Variants in TENM3 observed in about 807,000 individuals in gnomAD.
TENM3 encodes the protein teneurin transmembrane protein 3.
TENM3 carries 63 observed loss-of-function variants against 255.1 expected under a neutral mutation model. The observed-to-expected ratio is 0.25, with a 90% CI of 0.20 to 0.30. The LOEUF (loss-of-function observed/expected upper bound fraction) is 0.30, where lower values mean the gene tolerates loss of function less well. TENM3 is among the 10% of genes least tolerant of loss of function. TENM3 has a pLI of 1.00. For synonymous variants in TENM3, 1,306 were observed against 1,322.3 expected (o/e 0.99, Z 0.27); for missense variants, 2,929 against 3,461.1 (o/e 0.85, Z 3.86).
chr4:181,953,908 T>A, the TENM3 span, among the ~76,000 whole-genome samples: 1 of 152,296 alleles, frequency 6.6e-6, no homozygotes, highest in African/African-American at 2.4e-5. Flanking sequence ...TCCATCACCC[T>A]GAACGTTTTC....
intron 12 of TENM3, among the ~76,000 whole-genome samples, chr4:182,708,241 T>A (rs1758443990): frequency 6.6e-6 from 1 of 152,112 alleles, no homozygotes; most frequent in African/African-American, 2.4e-5. Flanking sequence ...AAGCCTTTAT[T>A]ATTACCTACA....
At chr4:182,508,545 A>G (rs1737062652) in intron 3 of TENM3, among the ~76,000 whole-genome samples, 1 of 152,226 alleles carries the variant, frequency 6.6e-6, no homozygotes. Flanking sequence ...AATCAGAATG[A>G]TATACTCTTA....
chr4:182,541,885 C>G (rs955579073), intron 3 of TENM3, among the ~76,000 whole-genome samples: 4 of 151,762 alleles, frequency 2.6e-5, no homozygotes, highest in African/African-American at 9.7e-5. Flanking sequence ...ATAGCAAGAC[C>G]CCGTCTCTAC....
the TENM3 span, among the ~76,000 whole-genome samples, chr4:181,598,618 T>C: frequency 2.6e-5 from 4 of 152,062 alleles, no homozygotes; most frequent in East Asian, 7.7e-4. Flanking sequence ...ATGTTGCCTG[T>C]GTAACCATTA....
chr4:182,403,502 C>G (rs1260461200), intron 3 of TENM3, among the ~76,000 whole-genome samples: 1 of 152,180 alleles, frequency 6.6e-6, no homozygotes. Context: ...CAGATAGGGA[C>G]ACACTATCTG....
chr4:182,285,314 C>T (rs1007609002), intron 1 of TENM3, among the ~76,000 whole-genome samples: 1 of 152,042 alleles, frequency 6.6e-6, no homozygotes, highest in Non-Finnish European at 1.5e-5. Context: ...AAGGAATTAA[C>T]AGTCATATCA....
chr4:181,656,127 CG>C, the TENM3 span, among the ~76,000 whole-genome samples: 1 of 152,050 alleles, frequency 6.6e-6, no homozygotes, highest in African/African-American at 2.4e-5. Flanking sequence ...ATTGTAACGG[CG>C]AGCCTTGGGG....
At chr4:182,363,556 A>G (rs1766188815) in intron 3 of TENM3, among the ~76,000 whole-genome samples, 1 of 152,084 alleles carries the variant, frequency 6.6e-6, no homozygotes, top group South Asian at 2.1e-4. Context: ...ATGCATGTTT[A>G]TAAACATAAA....
chr4:182,468,248 C>A (rs1034683770), intron 3 of TENM3, among the ~76,000 whole-genome samples: 1 of 152,082 alleles, frequency 6.6e-6, no homozygotes. Flanking sequence ...ATTAAAAAGG[C>A]ATTACATAAC....
chr4:181,856,563 G>A, the TENM3 span, among the ~76,000 whole-genome samples: 3,047 of 152,200 alleles, frequency 0.02, 106 homozygotes, highest in African/African-American at 0.069. Flanking sequence ...ATCAATGCCC[G>A]TGCCTTATGC....
At chr4:182,160,088 C>T (rs918456724) in intron 1 of TENM3, among the ~76,000 whole-genome samples, 44 of 149,774 alleles carry the variant, frequency 2.9e-4, no homozygotes, top group African/African-American at 9.0e-4. Context: ...CTGCAAGCTC[C>T]GCTTCCCGGG....
intron 3 of TENM3, among the ~76,000 whole-genome samples, chr4:182,460,064 G>T (rs1014677107): frequency 6.6e-6 from 1 of 151,956 alleles, no homozygotes; most frequent in Non-Finnish European, 1.5e-5. Context: ...AAATTCTAAC[G>T]AGGTACCTTG....
chr4:182,287,752 T>C (rs557011709), intron 1 of TENM3, among the ~76,000 whole-genome samples: 1 of 152,022 alleles, frequency 6.6e-6, no homozygotes, highest in Admixed American at 6.5e-5. Flanking sequence ...TAGCTGGGAC[T>C]ACAGGCGCCC....
chr4:181,572,420 A>T, the TENM3 span, among the ~76,000 whole-genome samples: 2 of 152,204 alleles, frequency 1.3e-5, no homozygotes, highest in African/African-American at 4.8e-5. Context: ...ATATTCAGTT[A>T]GAAAAAGAAA....
intron 12 of TENM3, among the ~76,000 whole-genome samples, chr4:182,713,059 GT>G (rs973393850): frequency 1.3e-5 from 2 of 151,676 alleles, no homozygotes; most frequent in Non-Finnish European, 2.9e-5. Context: ...GGCAAAAATT[GT>G]TTTTTTTAAA....
chr4:181,553,317 TGC>T, the TENM3 span, among the ~76,000 whole-genome samples: 311 of 105,224 alleles, frequency 3.0e-3, 2 homozygotes, highest in African/African-American at 0.011. Context: ...TGTATGTGTA[TGC>T]GTATATATAT....
the TENM3 span, among the ~76,000 whole-genome samples, chr4:181,757,320 T>C: frequency 6.6e-6 from 1 of 152,116 alleles, no homozygotes. Flanking sequence ...TCCCACTGAG[T>C]TTCCATAGGT....
the TENM3 span, among the ~76,000 whole-genome samples, chr4:182,021,593 G>C: frequency 5.9e-5 from 9 of 152,212 alleles, no homozygotes; most frequent in Middle Eastern, 3.4e-3. Context: ...AATTTATAAA[G>C]ATATATTTGT....
the TENM3 span, among the ~76,000 whole-genome samples, chr4:181,761,219 C>G: frequency 6.6e-6 from 1 of 152,024 alleles, no homozygotes; most frequent in Non-Finnish European, 1.5e-5. Flanking sequence ...ATCAGTCTTA[C>G]AGTGTATTAT....
Sources: gnomAD v4.1 joint callset for allele counts (sites outside exome capture counted in the v4.1 genomes callset) on GRCh38, gnomAD v4.1.1 for gene constraint, MANE v1.5 for transcripts, NCBI Gene and HGNC (gene_info 2026-07-23, HGNC 2026-07-21) for gene names.